The following PCDH9 variants were observed in gnomAD, a reference collection of about 807,000 sequenced individuals.
PCDH9 encodes the protein protocadherin 9, also known as protocadherin-9.
PCDH9 carries 24 observed loss-of-function variants against 70.6 expected under a neutral mutation model. The observed-to-expected ratio is 0.34, with a 90% CI of 0.25 to 0.48. PCDH9 has a LOEUF of 0.48. PCDH9 is among the 20% of genes least tolerant of loss of function. The pLI is 0.99. For missense variants in PCDH9, 1,281 were observed against 1,503.6 expected, an observed-to-expected ratio of 0.85 and a Z score of 2.45; for synonymous variants, 562 against 558.5, an observed-to-expected ratio of 1.01 and a Z score of -0.09.
chr13:66,690,855 C>T (rs1391386066), intron 3 of PCDH9, among the ~76,000 whole-genome samples: 1 of 152,158 alleles, frequency 6.6e-6, no homozygotes, highest in East Asian at 1.9e-4. Context: ...AATCTAACTA[C>T]ATGCTAGAAT....
At chr13:66,661,400 A>C (rs1355125013) in intron 3 of PCDH9, among the ~76,000 whole-genome samples, 1 of 152,162 alleles carries the variant, frequency 6.6e-6, no homozygotes, top group Non-Finnish European at 1.5e-5. Context: ...GCCTTTTCAC[A>C]AGCTGTGAAT....
intron 2 of PCDH9, among the ~76,000 whole-genome samples, chr13:67,021,514 A>G (rs1263646907): frequency 6.6e-6 from 1 of 152,184 alleles, no homozygotes; most frequent in African/African-American, 2.4e-5. Context: ...TGGGTTTAAA[A>G]GTTTATATGC....
intron 4 of PCDH9, among the ~76,000 whole-genome samples, chr13:66,350,869 A>T (rs915353744): frequency 6.6e-6 from 1 of 152,122 alleles, no homozygotes; most frequent in Non-Finnish European, 1.5e-5. Context: ...TCTCACTGTA[A>T]TCTCAGGATC....
At chr13:67,034,952 T>C (rs2084980938) in intron 2 of PCDH9, among the ~76,000 whole-genome samples, 1 of 152,144 alleles carries the variant, frequency 6.6e-6, no homozygotes, top group Admixed American at 6.5e-5. Flanking sequence ...GTGATTGCTT[T>C]ATGAATATCA....
intron 4 of PCDH9, among the ~76,000 whole-genome samples, chr13:66,364,499 A>G (rs998683641): frequency 3.3e-5 from 5 of 152,212 alleles, no homozygotes; most frequent in Admixed American, 6.5e-5. Context: ...CTGAATCAGG[A>G]TCTTACTGAG....
At chr13:66,556,247 C>T (rs9529093) in intron 4 of PCDH9, among the ~76,000 whole-genome samples, 34,252 of 151,642 alleles carry the variant, frequency 0.23, 4,381 homozygotes, top group South Asian at 0.34. Context: ...GATATATAAG[C>T]TAAATATATG....
intron 3 of PCDH9, among the ~76,000 whole-genome samples, chr13:66,798,626 G>T (rs1291232518): frequency 2.0e-5 from 3 of 152,012 alleles, no homozygotes; most frequent in African/African-American, 7.2e-5. Flanking sequence ...CTGACCTCAG[G>T]GCTGCTTCGT....
At chr13:67,182,774 T>C (rs201927287) in intron 2 of PCDH9, among the ~76,000 whole-genome samples, 3 of 152,250 alleles carry the variant, frequency 2.0e-5, no homozygotes, top group East Asian at 3.9e-4. Flanking sequence ...AGGAGATGGA[T>C]AAAATTTATT....
At chr13:66,643,067 A>C (rs1254525879) in intron 3 of PCDH9, among the ~76,000 whole-genome samples, 1 of 152,070 alleles carries the variant, frequency 6.6e-6, no homozygotes, top group Non-Finnish European at 1.5e-5. Context: ...AAAGCTTATA[A>C]AACAAGTTTC....
At chr13:67,143,672 A>G (rs1333425283) in intron 2 of PCDH9, among the ~76,000 whole-genome samples, 1 of 152,136 alleles carries the variant, frequency 6.6e-6, no homozygotes, top group African/African-American at 2.4e-5. Flanking sequence ...GCTTACAGCT[A>G]TAGGAAAGTC....
intron 4 of PCDH9, among the ~76,000 whole-genome samples, chr13:66,456,856 A>G (rs1369203244): frequency 3.9e-5 from 6 of 152,132 alleles, no homozygotes; most frequent in Admixed American, 3.9e-4. Context: ...ATAATATAAC[A>G]AACACATGTG....
chr13:66,371,811 T>C (rs1566276313), intron 4 of PCDH9, among the ~76,000 whole-genome samples: 1 of 152,060 alleles, frequency 6.6e-6, no homozygotes, highest in African/African-American at 2.4e-5. Context: ...ATTACTTACA[T>C]TTTTTCCTCA....
chr13:66,349,513 C>G (rs1956261751), intron 4 of PCDH9, among the ~76,000 whole-genome samples: 2 of 152,282 alleles, frequency 1.3e-5, no homozygotes, highest in African/African-American at 4.8e-5. Flanking sequence ...TTGGCACACC[C>G]AGAGCTTTTT....
intron 2 of PCDH9, among the ~76,000 whole-genome samples, chr13:67,147,846 T>C (rs1003502894): frequency 1.3e-5 from 2 of 152,218 alleles, no homozygotes; most frequent in African/African-American, 4.8e-5. Context: ...TTTTTGTTTT[T>C]GGTATGTGAC....
At chr13:66,345,007 C>A (rs991428454) in intron 4 of PCDH9, among the ~76,000 whole-genome samples, 1 of 152,184 alleles carries the variant, frequency 6.6e-6, no homozygotes, top group African/African-American at 2.4e-5. Context: ...TTATCTTCCA[C>A]TACATGCATG....
intron 4 of PCDH9, among the ~76,000 whole-genome samples, chr13:66,470,221 T>C (rs1297264241): frequency 1.3e-5 from 2 of 152,122 alleles, no homozygotes; most frequent in South Asian, 2.1e-4. Flanking sequence ...GGTATATATA[T>C]AGACACAGAT....
At chr13:66,972,571 T>G (rs556779232) in intron 2 of PCDH9, among the ~76,000 whole-genome samples, 37 of 151,980 alleles carry the variant, frequency 2.4e-4, no homozygotes, top group Non-Finnish European at 5.0e-4. Flanking sequence ...AGCATATCTG[T>G]GATTTTTTAA....
rs142337515 is a variant in PCDH9, at chr13:66,470,207, T to C, written c.3340+161003A>G. Among the ~76,000 whole-genome samples, 338 of 152,276 alleles carry C rather than the reference T, an allele frequency of 2.2e-3. 1 individual carries two copies. Among genetic ancestry groups the C allele is most frequent in the African/African-American group, 7.8e-3 (326 of 41,548 alleles). On this transcript the variant is annotated intron_variant, in intron 4 of 4. Transcript: ENST00000377865. ...CCTTGCTAGTTTGAATTGTGACATC[T>C]GTAGGTATATATATAGACACAGATG...
intron 4 of PCDH9, among the ~76,000 whole-genome samples, chr13:66,385,450 C>T (rs1956912753): frequency 6.6e-6 from 1 of 152,082 alleles, no homozygotes; most frequent in South Asian, 2.1e-4. Context: ...CCCGCCCTAT[C>T]CTCCCCAAAT....
Sources: gnomAD v4.1 joint callset for allele counts (sites outside exome capture counted in the v4.1 genomes callset) on GRCh38, gnomAD v4.1.1 for gene constraint, MANE v1.5 for transcripts, NCBI Gene and HGNC (gene_info 2026-07-23, HGNC 2026-07-21) for gene names.